Variants in GARIN2 observed in about 807,000 individuals in gnomAD.
GARIN2 encodes the protein Golgi-associated RAB2 interactor protein 2.
the GARIN2 span, among the ~76,000 whole-genome samples, chr14:67,206,833 C>T: frequency 5.3e-5 from 8 of 151,868 alleles, no homozygotes; most frequent in East Asian, 1.9e-4. Flanking sequence ...CAGGTTCAAG[C>T]GATTCTTATG....
At chr14:67,213,300 G>A in the GARIN2 span, among the ~76,000 whole-genome samples, 8 of 140,522 alleles carry the variant, frequency 5.7e-5, 1 homozygote, top group Middle Eastern at 6.8e-3. Flanking sequence ...ATCTCCTAAG[G>A]CTATCCCTCC....
the GARIN2 span, chr14:67,198,883 G>T: frequency 1.5e-6 from 1 of 676,282 alleles, no homozygotes; most frequent in Non-Finnish European, 2.7e-6. Context: ...TCAATGATAG[G>T]GGTCATACCT....
At chr14:67,226,757 T>C in the GARIN2 span, among the ~76,000 whole-genome samples, 3 of 152,288 alleles carry the variant, frequency 2.0e-5, no homozygotes, top group African/African-American at 7.2e-5. Context: ...ACAACAAATG[T>C]CCACACTCCA....
At chr14:67,208,760 G>A in the GARIN2 span, among the ~76,000 whole-genome samples, 3 of 152,010 alleles carry the variant, frequency 2.0e-5, no homozygotes, top group African/African-American at 4.8e-5. Context: ...AGCCAGGCGC[G>A]GTGGCGGGCA....
the GARIN2 span, among the ~76,000 whole-genome samples, chr14:67,228,169 CAAA>C: frequency 1.7e-4 from 11 of 64,120 alleles, no homozygotes; most frequent in Admixed American, 1.8e-4. Flanking sequence ...GACTTTGTCT[CAAA>C]AAAAAAAAAA....
the GARIN2 span, among the ~76,000 whole-genome samples, chr14:67,219,276 C>T: frequency 6.0e-4 from 91 of 152,272 alleles, 1 homozygote; most frequent in African/African-American, 2.2e-3. Flanking sequence ...CTTCTGCTTA[C>T]GTTTTCCCTG....
chr14:67,208,468 T>C, the GARIN2 span: 3 of 1,599,956 alleles, frequency 1.9e-6, no homozygotes, highest in South Asian at 1.1e-5. Context: ...GGCAGGAACA[T>C]GCCAAAGGAA....
At chr14:67,202,046 G>A in the GARIN2 span, among the ~76,000 whole-genome samples, 1 of 152,182 alleles carries the variant, frequency 6.6e-6, no homozygotes. Context: ...TTCCTCAGGG[G>A]AGACTTCCAT....
chr14:67,200,937 CT>C, the GARIN2 span, among the ~76,000 whole-genome samples: 3 of 152,182 alleles, frequency 2.0e-5, no homozygotes, highest in Non-Finnish European at 4.4e-5. Context: ...ACAACCCCAC[CT>C]GGTTAGCATG....
At chr14:67,196,223 C>CTT in the GARIN2 span, among the ~76,000 whole-genome samples, 180 of 143,136 alleles carry the variant, frequency 1.3e-3, 1 homozygote, top group African/African-American at 2.8e-3. Flanking sequence ...TTCTTTCTTT[C>CTT]TTTTTTTTTT....
chr14:67,191,594 C>A, the GARIN2 span, among the ~76,000 whole-genome samples: 2 of 152,110 alleles, frequency 1.3e-5, no homozygotes, highest in African/African-American at 4.8e-5. Context: ...AAAATAAAGG[C>A]ACCCCACCCC....
the GARIN2 span, among the ~76,000 whole-genome samples, chr14:67,190,776 G>A: frequency 6.6e-6 from 1 of 152,198 alleles, no homozygotes; most frequent in Admixed American, 6.5e-5. Flanking sequence ...ACCTAGAATT[G>A]TGCTGGACCT....
chr14:67,211,895 A>G, the GARIN2 span, among the ~76,000 whole-genome samples: 1 of 152,334 alleles, frequency 6.6e-6, no homozygotes, highest in Admixed American at 6.5e-5. Context: ...AAACAGAACC[A>G]GTTTCTGTAG....
chr14:67,208,097 A>C, the GARIN2 span: 1 of 1,475,326 alleles, frequency 6.8e-7, no homozygotes. Flanking sequence ...ACGGGTGCTC[A>C]GTGACGATGA....
At chr14:67,206,264 C>T in the GARIN2 span, among the ~76,000 whole-genome samples, 2 of 151,998 alleles carry the variant, frequency 1.3e-5, no homozygotes, top group African/African-American at 4.8e-5. Context: ...TTTGGGAGAC[C>T]GAGGCGGGCA....
chr14:67,204,074 A>G, the GARIN2 span, among the ~76,000 whole-genome samples: 366 of 152,274 alleles, frequency 2.4e-3, 9 homozygotes, highest in East Asian at 0.017. Flanking sequence ...GGTTCTCAGG[A>G]GCCCCTACCC....
At chr14:67,207,896 G>A in the GARIN2 span, among the ~76,000 whole-genome samples, 28 of 152,280 alleles carry the variant, frequency 1.8e-4, no homozygotes, top group East Asian at 7.7e-4. Flanking sequence ...CTTTTCTTGT[G>A]CTGACAATTC....
At chr14:67,193,157 T>C in the GARIN2 span, among the ~76,000 whole-genome samples, 3 of 144,132 alleles carry the variant, frequency 2.1e-5, no homozygotes, top group African/African-American at 7.5e-5. Context: ...TATATATCTC[T>C]ATATAGACAT....
chr14:67,211,940 T>G, the GARIN2 span, among the ~76,000 whole-genome samples: 1 of 152,184 alleles, frequency 6.6e-6, no homozygotes, highest in Admixed American at 6.5e-5. Flanking sequence ...CCTGCAAAAC[T>G]TCTCAAAAAC....
Sources: gnomAD v4.1 joint callset for allele counts (sites outside exome capture counted in the v4.1 genomes callset) on GRCh38, gnomAD v4.1.1 for gene constraint, MANE v1.5 for transcripts, NCBI Gene and HGNC (gene_info 2026-07-23, HGNC 2026-07-21) for gene names.